The following AHNAK variants were observed in gnomAD, a reference collection of about 807,000 sequenced individuals.
AHNAK encodes AHNAK nucleoprotein, also known as neuroblast differentiation-associated protein AHNAK.
A neutral mutation model predicts 37.8 loss-of-function variants in AHNAK; 23 were observed. That is an observed-to-expected ratio of 0.61 (90% confidence interval 0.44 to 0.86). AHNAK has a LOEUF of 0.86. AHNAK is among the 40% of genes least tolerant of loss of function. AHNAK has a pLI of 0.00. For synonymous variants in AHNAK, 2,481 were observed against 2,636.3 expected (o/e 0.94, Z 1.80); for missense variants, 7,411 against 7,319.4 (o/e 1.01, Z -0.46).
chr11:62,470,311 T>C (rs1939007302), intron 5 of AHNAK, among the ~76,000 whole-genome samples: 1 of 152,084 alleles, frequency 6.6e-6, no homozygotes, highest in Admixed American at 6.6e-5. Context: ...CCAGGCATGG[T>C]GGCATGCGCC....
At chr11:62,476,942 A>G (rs758171382) in intron 5 of AHNAK, among the ~76,000 whole-genome samples, 1 of 152,218 alleles carries the variant, frequency 6.6e-6, no homozygotes, top group Non-Finnish European at 1.5e-5. Context: ...AAAAACTGCA[A>G]TGCCTGCAGC....
intron 5 of AHNAK, among the ~76,000 whole-genome samples, chr11:62,485,616 C>T (rs992776991): frequency 6.7e-6 from 1 of 149,818 alleles, no homozygotes; most frequent in Non-Finnish European, 1.5e-5. Flanking sequence ...GCAGGAGAAT[C>T]GCTCAAACCT....
rs1318508230 is a variant in AHNAK at position 62,483,106 on chromosome 11, C to T, written c.442+8626G>A. On this transcript the variant is annotated intron_variant, in intron 5 of 5. Transcript: ENST00000257247. ...GGTCAGAGGTGGGAAACTCCACCAG[C>T]ATCTGTTCCTCCTGAAAGTGAACAG... 5.3e-5 allele frequency among the ~76,000 whole-genome samples: 8 copies of T among 152,312 alleles called. No individual in the cohort carries two copies. In the South Asian group the frequency reaches 8.3e-4, roughly 16 times the overall value.
At chr11:62,491,922 C>T (rs951473487) in intron 4 of AHNAK, 5 of 1,182,258 alleles carry the variant, frequency 4.2e-6, no homozygotes, top group African/African-American at 1.5e-5. Context: ...GTATAAAATA[C>T]CAGAGACCCC....
At chr11:62,484,728 G>A (rs769407825) in intron 5 of AHNAK, among the ~76,000 whole-genome samples, 1 of 152,136 alleles carries the variant, frequency 6.6e-6, no homozygotes, top group African/African-American at 2.4e-5. Context: ...GGGGAGCCAC[G>A]GAAGGTCATG....
At chr11:62,454,989 C>CAT (rs1398303437) in intron 5 of AHNAK, among the ~76,000 whole-genome samples, 9 of 148,466 alleles carry the variant, frequency 6.1e-5, no homozygotes, top group Admixed American at 4.8e-4. Flanking sequence ...AGTGAAGTGG[C>CAT]ATAATCTCAG....
intron 5 of AHNAK, among the ~76,000 whole-genome samples, chr11:62,489,649 C>G (rs942942984): frequency 6.6e-6 from 1 of 151,686 alleles, no homozygotes; most frequent in Non-Finnish European, 1.5e-5. Flanking sequence ...ACGGTAAGGA[C>G]GGGGATGGAG....
chr11:62,524,307 A>G lies in AHNAK; in HGVS notation c.10110T>C (p.Asp3370=), dbSNP rs769444405. The change falls in exon 5 of 5, where the codon GAT becomes GAC. Residue 3370 remains aspartate, a synonymous_variant. Coordinates refer to ENST00000378024, the MANE Select transcript of AHNAK (RefSeq NM_001620.3). The part of the protein sequence containing the change: ...SGSKVQTPEV[D]VKGKKPDIDI... The stretch of plus-strand genomic sequence containing the variant: ...CAATATCTGGCTTTTTACCTTTGAC[A>G]TCCACTTCAGGTGTCTGAACTTTAG... The G allele has an allele frequency of 1.2e-5, 19 of 1,613,920 alleles. No homozygotes were observed. Among genetic ancestry groups the G allele is most frequent in the Non-Finnish European group, 1.6e-5 (19 of 1,179,984 alleles).
chr11:62,531,737 C>A lies in AHNAK; in HGVS notation c.2680G>T (p.Gly894Cys). The change falls in exon 5 of 5, where the codon GGC becomes TGC. Residue 894 changes from glycine to cysteine, a missense_variant. Transcript: ENST00000378024. ...GGCAGGTTCACATCCACTTCTGGGC[C>A]CTCTGCTTTGAAGCCAGGCATGCTG... ...KFSMPGFKAE[G>C]PEVDVNLPKA... 1 of 1,613,916 alleles carries A rather than the reference C, an allele frequency of 6.2e-7. No homozygotes were observed. The highest frequency in any genetic ancestry group is 8.5e-7 in the Non-Finnish European group (1 of 1,179,988).
At chr11:62,460,678 AAG>A (rs1474055618) in intron 5 of AHNAK, among the ~76,000 whole-genome samples, 21 of 152,286 alleles carry the variant, frequency 1.4e-4, no homozygotes, top group African/African-American at 5.1e-4. Context: ...GAGTTTTGGA[AAG>A]CAGACAGATA....
chr11:62,529,837 C>A lies in AHNAK; in HGVS notation c.4580G>T (p.Gly1527Val). ...GGGCAGGTTCATATCCACCTCTGGG[C>A]CCTCTCCTTTAAAGCCAGGCATGCT... ...KFSMPGFKGE[G>V]PEVDMNLPKA... Residue 1527 changes from glycine (G) to valine (V), a missense_variant, in exon 5 of 5, where the codon GGC (glycine) becomes GTC (valine). Transcript: ENST00000378024. 1 of 1,614,072 alleles carries A rather than the reference C, an allele frequency of 6.2e-7. No individual in the cohort carries two copies. Among genetic ancestry groups the A allele is most frequent in the Non-Finnish European group, 8.5e-7 (1 of 1,180,016 alleles).
intron 4 of AHNAK, among the ~76,000 whole-genome samples, chr11:62,507,354 A>G (rs1321873320): frequency 6.6e-6 from 1 of 152,236 alleles, no homozygotes; most frequent in Non-Finnish European, 1.5e-5. Context: ...CATGTAAAAT[A>G]CATACACAAT....
rs753930012 is a variant in AHNAK, at chr11:62,528,403, C to T, written c.6014G>A (p.Gly2005Glu). Residue 2005 changes from glycine to glutamate, a missense_variant, in exon 5 of 5, where the codon GGG (glycine) becomes GAG (glutamate). By Grantham distance (98) the Gly-to-Glu change is moderately conservative (BLOSUM62 -2). Transcript: ENST00000378024. ...CTTGGGCACAGACACATCCATATCC[C>T]CTTTGACTTTGGGGCCTTTCAGGTG... ...DLHLKGPKVKGDMDVSVPKVE... is the reference protein window; with the variant it reads ...DLHLKGPKVKEDMDVSVPKVE... The T allele has an allele frequency of 1.2e-6, 2 of 1,613,650 alleles. No individual in the cohort carries two copies. Among genetic ancestry groups the T allele is most frequent in the East Asian group, 2.2e-5 (1 of 44,838 alleles).
At position 62,519,194 on chromosome 11, in the gene AHNAK, C is replaced by T. The variant is rs114515655; in HGVS notation, c.15223G>A (p.Val5075Met). ...AGPDAALKVD[V>M]KSPKTKKTMF... ...GTTTTCTTGGTTTTGGGCGATTTCA[C>T]GTCGACTTTGAGTGCAGCATCCGGC... Residue 5075 changes from valine (V) to methionine (M), a missense_variant, in exon 5 of 5, where the codon GTG becomes ATG. Physicochemically the swap from Val to Met is conservative, Grantham distance 21 (BLOSUM62 1). Coordinates refer to ENST00000378024, the MANE Select transcript of AHNAK (RefSeq NM_001620.3). 25,243 of 1,613,050 alleles carry T rather than the reference C, an allele frequency of 0.016. 286 individuals carry two copies. Among genetic ancestry groups the T allele is most frequent in the Non-Finnish European group, 0.02 (23,643 of 1,179,596 alleles).
chr11:62,546,139 C>A lies in AHNAK; in HGVS notation c.-100+521G>T, dbSNP rs114724468. 1,098 of 153,684 alleles carry A rather than the reference C, an allele frequency of 7.1e-3. 12 individuals are homozygous for A. Among genetic ancestry groups the A allele is most frequent in the African/African-American group, 0.023 (972 of 41,568 alleles). The allele number at this position is 153,684 out of a possible 1,614,324, so 9.5% of individuals were successfully genotyped here. ...GGTACAGAACAGGGTGGGGCCTGGA[C>A]GACTCGGGACGCGGTTAGGGGCAGA... On this transcript the variant is annotated intron_variant, in intron 1 of 4. Transcript: ENST00000378024.
Position 62,529,810 on chromosome 11 carries a change from T to G in AHNAK, c.4607A>C (p.Lys1536Thr), listed in dbSNP as rs1002596923. 1 of 1,614,134 alleles carries G rather than the reference T, an allele frequency of 6.2e-7. No homozygotes were observed. Among genetic ancestry groups the G allele is most frequent in the Non-Finnish European group, 8.5e-7 (1 of 1,180,026 alleles). Reference protein sequence around the residue: ...EGPEVDMNLPKADLGVSGPKV... With the variant: ...EGPEVDMNLPTADLGVSGPKV... ...GGGTCCTGAAACACCAAGGTCAGCC[T>G]TGGGCAGGTTCATATCCACCTCTGG... Residue 1536 changes from lysine to threonine, a missense_variant, in exon 5 of 5, where the codon AAG becomes ACG. Physicochemically the swap from Lys to Thr is moderately conservative, Grantham distance 78 (BLOSUM62 -1). Transcript: ENST00000378024.
intron 5 of AHNAK, among the ~76,000 whole-genome samples, chr11:62,477,583 T>A (rs1939177907): frequency 6.6e-6 from 1 of 152,102 alleles, no homozygotes; most frequent in Non-Finnish European, 1.5e-5. Flanking sequence ...GGCGGGCAGA[T>A]CACAGGTCAG....
intron 5 of AHNAK, among the ~76,000 whole-genome samples, chr11:62,457,710 T>A (rs1938691589): frequency 6.6e-6 from 1 of 152,086 alleles, no homozygotes; most frequent in African/African-American, 2.4e-5. Flanking sequence ...ATTTCTCACT[T>A]ATAAGTGGGA....
At chr11:62,514,217 CCCCA>C (rs1296658056), downstream of AHNAK, among the ~76,000 whole-genome samples, 1 of 152,156 alleles carries the variant, frequency 6.6e-6, no homozygotes, top group Non-Finnish European at 1.5e-5. Flanking sequence ...CGCACACTCA[CCCCA>C]CCGTCACCCA....
Sources: gnomAD v4.1 joint callset for allele counts (sites outside exome capture counted in the v4.1 genomes callset) on GRCh38, gnomAD v4.1.1 for gene constraint, MANE v1.5 for transcripts, NCBI Gene and HGNC (gene_info 2026-07-23, HGNC 2026-07-21) for gene names.